NRXN3: variants seen among roughly 807,000 people sequenced by gnomAD.
NRXN3 encodes neurexin 3, also known as neurexin III.
NRXN3 carries 32 observed loss-of-function variants against 137.6 expected under a neutral mutation model. The observed-to-expected ratio is 0.23, with a 90% CI of 0.18 to 0.31. The LOEUF (loss-of-function observed/expected upper bound fraction) is 0.31, where lower values mean the gene tolerates loss of function less well. Among genes scored for constraint, NRXN3 ranks in the 10% least tolerant of loss-of-function variants. NRXN3 has a pLI of 1.00. For synonymous variants in NRXN3, 798 were observed against 784.5 expected (o/e 1.02, Z -0.29); for missense variants, 1,574 against 2,062.5 (o/e 0.76, Z 4.59).
chr14:79,517,101 C>CA (rs557167110), intron 16 of NRXN3, among the ~76,000 whole-genome samples: 4 of 150,602 alleles, frequency 2.7e-5, no homozygotes, highest in Admixed American at 6.6e-5. Flanking sequence ...AGCCCCCCCC[C>CA]CCTCAACGAA....
intron 4 of NRXN3, among the ~76,000 whole-genome samples, chr14:78,549,617 G>A (rs1398066303): frequency 6.6e-6 from 1 of 152,064 alleles, no homozygotes; most frequent in Admixed American, 6.5e-5. Flanking sequence ...GATATTTTTT[G>A]AATAAAAAAA....
intron 12 of NRXN3, among the ~76,000 whole-genome samples, chr14:78,966,766 A>G (rs1453758727): frequency 6.6e-6 from 1 of 152,250 alleles, no homozygotes; most frequent in Non-Finnish European, 1.5e-5. Flanking sequence ...AAAAGATGAA[A>G]CATAAATATT....
intron 1 of NRXN3, among the ~76,000 whole-genome samples, chr14:78,187,044 G>A (rs1330779352): frequency 1.3e-5 from 2 of 152,164 alleles, no homozygotes; most frequent in African/African-American, 2.4e-5. Context: ...GTGACAGTGA[G>A]CATGACGCTC....
chr14:79,018,748 A>G (rs2099583990), intron 15 of NRXN3, among the ~76,000 whole-genome samples: 1 of 152,132 alleles, frequency 6.6e-6, no homozygotes, highest in Admixed American at 6.6e-5. Flanking sequence ...AGTACAATAA[A>G]CCTATTGCTA....
At chr14:79,385,033 A>G (rs974225605) in intron 15 of NRXN3, among the ~76,000 whole-genome samples, 6 of 152,142 alleles carry the variant, frequency 3.9e-5, no homozygotes, top group Admixed American at 3.3e-4. Flanking sequence ...GACTTTGATT[A>G]TGATAACTAG....
intron 1 of NRXN3, among the ~76,000 whole-genome samples, chr14:78,192,336 C>T (rs996443704): frequency 1.3e-5 from 2 of 152,130 alleles, no homozygotes; most frequent in Non-Finnish European, 2.9e-5. Flanking sequence ...AGGGACTCAA[C>T]TCAGGTAGTG....
intron 15 of NRXN3, among the ~76,000 whole-genome samples, chr14:79,340,181 G>C (rs1285391828): frequency 6.6e-6 from 1 of 151,832 alleles, no homozygotes; most frequent in Non-Finnish European, 1.5e-5. Context: ...GTGTGTGTGT[G>C]TGTGTGTGTA....
chr14:78,803,847 CA>C, intron 9 of NRXN3, 24 bp downstream of exon 9: 1 of 1,595,826 alleles, frequency 6.3e-7, no homozygotes, highest in Non-Finnish European at 8.6e-7. Flanking sequence ...TACCCTCTGC[CA>C]CTTCGTTTGG....
At chr14:78,356,619 A>G (rs1034152967) in intron 4 of NRXN3, among the ~76,000 whole-genome samples, 1 of 152,158 alleles carries the variant, frequency 6.6e-6, no homozygotes, top group African/African-American at 2.4e-5. Flanking sequence ...CAGGCAGCCG[A>G]CTTTGACTCA....
At chr14:78,663,958 T>A (rs1256150338) in intron 6 of NRXN3, among the ~76,000 whole-genome samples, 1 of 152,256 alleles carries the variant, frequency 6.6e-6, no homozygotes, top group African/African-American at 2.4e-5. Flanking sequence ...CAGAAACGAC[T>A]ATTCCATTAG....
At chr14:79,785,873 T>C (rs1568246254) in intron 19 of NRXN3, among the ~76,000 whole-genome samples, 3 of 152,010 alleles carry the variant, frequency 2.0e-5, no homozygotes, top group Non-Finnish European at 4.4e-5. Context: ...CTCCTTAACA[T>C]CATCTGCTGA....
chr14:78,591,199 G>C (rs1413107051), intron 4 of NRXN3, among the ~76,000 whole-genome samples: 1 of 152,192 alleles, frequency 6.6e-6, no homozygotes, highest in Admixed American at 6.5e-5. Flanking sequence ...AGTTGCCATG[G>C]TTAGCAGAGA....
chr14:79,437,409 G>T (rs1303313331), intron 15 of NRXN3, among the ~76,000 whole-genome samples: 4 of 149,760 alleles, frequency 2.7e-5, no homozygotes, highest in African/African-American at 9.9e-5. Context: ...CCTGAAATGT[G>T]CGTTCTAAAA....
In NRXN3 at chr14:79,865,069, A is replaced by G. The variant is rs936070988; in HGVS notation, c.*3105A>G. On this transcript the variant is annotated 3_prime_UTR_variant, in exon 21 of 21. Transcript: ENST00000335750. Reference sequence around the variant, plus strand: ...CCCGGCTTGGATACTATGTTTTTTAAAGGCATTTCGTACCTTTTACGTATT... The same window carrying G: ...CCCGGCTTGGATACTATGTTTTTTAGAGGCATTTCGTACCTTTTACGTATT... The G allele has an allele frequency of 2.0e-5, 3 of 152,242 alleles. No homozygotes were observed. Among genetic ancestry groups the G allele is most frequent in the Admixed American group, 6.5e-5 (1 of 15,284 alleles). 9.4% of individuals were successfully genotyped at this position (152,242 alleles called of 1,614,324 possible). A position where few individuals can be genotyped will look rare whatever the true frequency, so the allele number is the denominator to read the frequency against.
At position 79,705,765 on chromosome 14, in the gene NRXN3, A is replaced by G. The variant is rs547549669; in HGVS notation, c.4014+7828A>G. On this transcript the variant is annotated intron_variant, in intron 19 of 20. Transcript: ENST00000335750. ...AGAAAGGACCTTCTTGACCGTCTGTAAAATACAACACTCTATCGCCTTTTC... is the reference window on the plus strand; with the variant it reads ...AGAAAGGACCTTCTTGACCGTCTGTGAAATACAACACTCTATCGCCTTTTC... Among the ~76,000 whole-genome samples, 6 of 152,250 alleles carry G rather than the reference A, an allele frequency of 3.9e-5. No homozygotes were observed. The East Asian group carries it at 9.7e-4, about 25-fold the overall frequency.
At chr14:79,763,238 T>A (rs2099044731) in intron 19 of NRXN3, among the ~76,000 whole-genome samples, 2 of 151,652 alleles carry the variant, frequency 1.3e-5, no homozygotes, top group African/African-American at 2.4e-5. Context: ...CCATGGTGTA[T>A]ACGTGCCACA....
At chr14:79,499,956 C>CATGTGTGTGTGTGTGTGTGTGTGTGT (rs60538373) in intron 16 of NRXN3, among the ~76,000 whole-genome samples, 28 of 145,234 alleles carry the variant, frequency 1.9e-4, no homozygotes, top group South Asian at 1.1e-3. Context: ...ATCTTAGGGT[C>CATGTGTGTGTGTGTGTGTGTGTGTGT]GTGTGTGTGT....
intron 15 of NRXN3, among the ~76,000 whole-genome samples, chr14:79,007,530 G>A (rs917891647): frequency 6.6e-6 from 1 of 151,766 alleles, no homozygotes; most frequent in Admixed American, 6.6e-5. Context: ...AAAAGTCTGG[G>A]CGTGGTGGCT....
intron 4 of NRXN3, among the ~76,000 whole-genome samples, chr14:78,634,494 G>A (rs546825341): frequency 2.0e-5 from 3 of 152,242 alleles, no homozygotes; most frequent in East Asian, 1.9e-4. Flanking sequence ...TTTATTGGGC[G>A]GTTAGACGTT....
Sources: allele counts gnomAD v4.1 joint callset (sites outside exome capture counted in the v4.1 genomes callset), GRCh38; gene constraint gnomAD v4.1.1; transcripts MANE v1.5; gene names NCBI Gene and HGNC (gene_info 2026-07-23, HGNC 2026-07-21).